Variants in IMMP2L observed in about 807,000 individuals in gnomAD.
IMMP2L encodes the protein mitochondrial inner membrane protease subunit 2.
IMMP2L carries 18 observed loss-of-function variants against 19.3 expected under a neutral mutation model. The ratio of observed to expected loss-of-function variants is 0.93; its 90% CI spans 0.64 to 1.38. IMMP2L has a LOEUF of 1.38. Ranked by LOEUF, IMMP2L falls within the 40% of genes most tolerant of loss-of-function variation. The pLI is 0.00. For synonymous variants in IMMP2L, 76 were observed against 73.0 expected (o/e 1.04, Z -0.21); for missense variants, 233 against 218.2 (o/e 1.07, Z -0.43).
At chr7:110,688,183 C>T (rs527681855) in intron 5 of IMMP2L, among the ~76,000 whole-genome samples, 2 of 152,172 alleles carry the variant, frequency 1.3e-5, no homozygotes, top group East Asian at 3.9e-4. Flanking sequence ...TGGACACAAA[C>T]CGCCCAGCTG....
intron 3 of IMMP2L, among the ~76,000 whole-genome samples, chr7:111,038,279 A>G (rs141891649): frequency 6.6e-6 from 1 of 152,168 alleles, no homozygotes; most frequent in African/African-American, 2.4e-5. Flanking sequence ...GGTGGTAAAA[A>G]TGAAAGGAAA....
At chr7:111,460,816 G>A (rs1411583401) in intron 3 of IMMP2L, among the ~76,000 whole-genome samples, 1 of 151,790 alleles carries the variant, frequency 6.6e-6, no homozygotes, top group Non-Finnish European at 1.5e-5. Flanking sequence ...ATAAAAATAT[G>A]GACTATATTG....
intron 4 of IMMP2L, among the ~76,000 whole-genome samples, chr7:110,945,672 G>A (rs1277696299): frequency 2.0e-5 from 3 of 151,890 alleles, no homozygotes; most frequent in Non-Finnish European, 4.4e-5. Context: ...TTAGTCCAAA[G>A]GTCCTCAGAT....
At chr7:111,013,572 AG>A (rs1422069351) in intron 3 of IMMP2L, among the ~76,000 whole-genome samples, 1 of 152,096 alleles carries the variant, frequency 6.6e-6, no homozygotes, top group East Asian at 1.9e-4. Context: ...GGAACACAGA[AG>A]GAGGAGAAGA....
At chr7:111,179,449 C>T (rs1269335896) in intron 3 of IMMP2L, among the ~76,000 whole-genome samples, 6 of 151,922 alleles carry the variant, frequency 3.9e-5, no homozygotes, top group African/African-American at 1.5e-4. Context: ...GACCATTCTT[C>T]TTTATCCAGT....
At chr7:111,521,229 G>T in intron 2 of IMMP2L, 84 bp downstream of exon 2, 1 of 1,381,740 alleles carries the variant, frequency 7.2e-7, no homozygotes, top group Non-Finnish European at 9.9e-7. Flanking sequence ...TCCCAGAATA[G>T]GAATAATAAT....
chr7:110,782,294 T>A (rs575368679), intron 5 of IMMP2L, among the ~76,000 whole-genome samples: 53 of 152,054 alleles, frequency 3.5e-4, no homozygotes, highest in Admixed American at 6.6e-4. Flanking sequence ...ACAATACACA[T>A]GACTATTTTA....
chr7:111,374,306 A>T (rs944170051), intron 3 of IMMP2L, among the ~76,000 whole-genome samples: 2 of 152,084 alleles, frequency 1.3e-5, no homozygotes, highest in Admixed American at 1.3e-4. Context: ...CCTAGTACTG[A>T]TCATTCTGTA....
At chr7:110,999,543 T>C (rs1187232367) in intron 3 of IMMP2L, among the ~76,000 whole-genome samples, 1 of 151,790 alleles carries the variant, frequency 6.6e-6, no homozygotes, top group African/African-American at 2.4e-5. Context: ...TTTATCATAG[T>C]TTTCCTAATT....
At chr7:111,391,943 T>C (rs924994374) in intron 3 of IMMP2L, 5 of 702,976 alleles carry the variant, frequency 7.1e-6, no homozygotes, top group Non-Finnish European at 2.6e-6. Flanking sequence ...TATGCACTTC[T>C]TCAATCTTAG....
intron 3 of IMMP2L, among the ~76,000 whole-genome samples, chr7:111,331,926 A>C (rs1169385152): frequency 6.6e-6 from 1 of 151,886 alleles, no homozygotes; most frequent in East Asian, 1.9e-4. Context: ...ATTAACTGGG[A>C]AAGTTAAGCA....
chr7:110,723,864 A>G (rs1483561913), intron 5 of IMMP2L, among the ~76,000 whole-genome samples: 1 of 152,004 alleles, frequency 6.6e-6, no homozygotes. Flanking sequence ...AGGGAAAAAA[A>G]AAAAAAAAAG....
chr7:110,669,856 C>G (rs541614345), intron 5 of IMMP2L, among the ~76,000 whole-genome samples: 24 of 152,178 alleles, frequency 1.6e-4, no homozygotes, highest in African/African-American at 5.8e-4. Flanking sequence ...TTTATTAAGT[C>G]AGGATAATAA....
intron 5 of IMMP2L, among the ~76,000 whole-genome samples, chr7:110,876,956 T>C (rs1375012616): frequency 1.3e-5 from 2 of 152,146 alleles, no homozygotes; most frequent in African/African-American, 4.8e-5. Context: ...TCTAAAGTTA[T>C]CTATTACTAA....
chr7:111,462,493 A>G (rs1220700385), intron 3 of IMMP2L, among the ~76,000 whole-genome samples: 1 of 152,132 alleles, frequency 6.6e-6, no homozygotes, highest in Non-Finnish European at 1.5e-5. Flanking sequence ...TATAGAAATA[A>G]TGGTTTTCCT....
chr7:111,167,733 A>C (rs1350110127), intron 3 of IMMP2L, among the ~76,000 whole-genome samples: 3 of 151,954 alleles, frequency 2.0e-5, no homozygotes, highest in African/African-American at 7.2e-5. Flanking sequence ...CCTCAAAAAT[A>C]GCTGGTCCTA....
intron 3 of IMMP2L, among the ~76,000 whole-genome samples, chr7:111,288,945 T>C (rs1820790977): frequency 1.3e-5 from 2 of 152,126 alleles, no homozygotes; most frequent in African/African-American, 4.8e-5. Context: ...TGTAAATCAT[T>C]CTACTAGAAA....
chr7:110,969,496 C>T lies in IMMP2L; in HGVS notation c.240-5931G>A, dbSNP rs533457935. Among the ~76,000 whole-genome samples, 8 of 152,020 alleles carry T rather than the reference C, an allele frequency of 5.3e-5. No individual in the cohort carries two copies. In the South Asian group the frequency reaches 1.7e-3, roughly 32 times the overall value. On this transcript the variant is annotated intron_variant, in intron 3 of 5. Coordinates refer to ENST00000405709, the MANE Select transcript of IMMP2L (RefSeq NM_032549.4). ...CTAACAATCACTTTTGTCCTGATATCCCCGAGAATGCTCCCAACCAAGAGC... is the reference window on the plus strand; with the variant it reads ...CTAACAATCACTTTTGTCCTGATATTCCCGAGAATGCTCCCAACCAAGAGC...
chr7:111,419,330 T>A (rs904725257), intron 3 of IMMP2L, among the ~76,000 whole-genome samples: 2 of 151,800 alleles, frequency 1.3e-5, no homozygotes, highest in African/African-American at 4.9e-5. Flanking sequence ...GTTACACTTT[T>A]ACTAAAGATT....
Sources: allele counts gnomAD v4.1 joint callset (sites outside exome capture counted in the v4.1 genomes callset), GRCh38; gene constraint gnomAD v4.1.1; transcripts MANE v1.5; gene names NCBI Gene and HGNC (gene_info 2026-07-23, HGNC 2026-07-21).